Variants in TANK observed in about 807,000 individuals in gnomAD.
TANK encodes the protein TRAF family member-associated NF-kappa-B activator.
In TANK, 15 loss-of-function variants were observed where a neutral mutation model predicts 43.6. That is an observed-to-expected ratio of 0.34 (90% confidence interval 0.23 to 0.53). The LOEUF is 0.53. TANK is among the 20% of genes least tolerant of loss of function. The pLI is 0.94. For synonymous variants in TANK, 162 were observed against 178.2 expected, an observed-to-expected ratio of 0.91 and a Z score of 0.73; for missense variants, 417 against 498.6, an observed-to-expected ratio of 0.84 and a Z score of 1.56.
At chr2:161,161,837 T>C (rs180903611) in intron 1 of TANK, 1 of 154,418 alleles carries the variant, frequency 6.5e-6, no homozygotes, top group East Asian at 1.9e-4. Flanking sequence ...TAATCCTTTG[T>C]GAAATATATG....
intron 2 of TANK, among the ~76,000 whole-genome samples, chr2:161,202,501 T>C (rs1383560173): frequency 1.3e-5 from 2 of 152,200 alleles, no homozygotes; most frequent in Non-Finnish European, 2.9e-5. Context: ...AACAGCTATG[T>C]AATTTATTAA....
At chr2:161,161,387 G>T (rs972245654) in intron 1 of TANK, 2 of 1,550,682 alleles carry the variant, frequency 1.3e-6, no homozygotes, top group Non-Finnish European at 1.7e-6. Flanking sequence ...TTCTTACCGC[G>T]GTTGGAATAC....
In TANK at chr2:161,173,210, A is replaced by G. The variant is rs116740707; in HGVS notation, c.-49-6404A>G. On this transcript the variant is annotated intron_variant, in intron 1 of 7. Transcript: ENST00000392749. ...AGAATTTTTGTAGTACAGCACAGTCATACATGCTGACCCTGACCATAGCTT... is the reference window on the plus strand; with the variant it reads ...AGAATTTTTGTAGTACAGCACAGTCGTACATGCTGACCCTGACCATAGCTT... Among the ~76,000 whole-genome samples the G allele has an allele frequency of 5.2e-3, 797 of 152,228 alleles. 7 individuals are homozygous for G. Among genetic ancestry groups the G allele is most frequent in the African/African-American group, 0.017 (724 of 41,528 alleles).
intron 4 of TANK, among the ~76,000 whole-genome samples, chr2:161,206,386 T>A (rs1027740808): frequency 6.6e-6 from 1 of 152,178 alleles, no homozygotes; most frequent in Non-Finnish European, 1.5e-5. Flanking sequence ...TCAAGAGTGC[T>A]ATATTTATTT....
chr2:161,169,879 A>G (rs189231128), intron 1 of TANK, among the ~76,000 whole-genome samples: 13 of 152,298 alleles, frequency 8.5e-5, no homozygotes, highest in African/African-American at 2.4e-4. Context: ...TGTAAAGGGA[A>G]GACAATATAT....
At position 161,173,273 on chromosome 2, in the gene TANK, A is replaced by G. The variant is rs572451118; in HGVS notation, c.-49-6341A>G. On this transcript the variant is annotated intron_variant, in intron 1 of 7. Coordinates refer to ENST00000392749, the MANE Select transcript of TANK (RefSeq NM_001199135.3). Reference sequence around the variant, plus strand: ...TCACCTCGCTATCATCTCTGCACACATGCTAGACTTGCATAAACAGAATAC... The same window carrying G: ...TCACCTCGCTATCATCTCTGCACACGTGCTAGACTTGCATAAACAGAATAC... Among the ~76,000 whole-genome samples the G allele has an allele frequency of 7.2e-5, 11 of 152,252 alleles. No homozygotes were observed. In the South Asian group the frequency reaches 2.3e-3, roughly 32 times the overall value.
At chr2:161,185,813 GTAAC>G (rs2105309149) in intron 2 of TANK, among the ~76,000 whole-genome samples, 1 of 151,986 alleles carries the variant, frequency 6.6e-6, no homozygotes, top group Admixed American at 6.5e-5. Flanking sequence ...GTATACATAT[GTAAC>G]TAACCTGCAC....
At chr2:161,172,353 GGC>G (rs1491460501) in intron 1 of TANK, among the ~76,000 whole-genome samples, 1 of 128,694 alleles carries the variant, frequency 7.8e-6, no homozygotes, top group Non-Finnish European at 1.6e-5. Flanking sequence ...AGTTTTTTTC[GGC>G]TTTTTTTTTT....
chr2:161,220,611 G>GA (rs993530397), intron 4 of TANK, among the ~76,000 whole-genome samples: 39 of 150,200 alleles, frequency 2.6e-4, no homozygotes, highest in Admixed American at 1.5e-3. Flanking sequence ...CTCAAAAAAG[G>GA]AAAAAAAAAT....
At chr2:161,140,045 A>G in intron 1 of TANK, 2 of 555,724 alleles carry the variant, frequency 3.6e-6, no homozygotes, top group Non-Finnish European at 4.6e-6. Flanking sequence ...TATATTCATA[A>G]GTCTGTAAAA....
intron 1 of TANK, among the ~76,000 whole-genome samples, chr2:161,175,628 C>T (rs552623608): frequency 2.0e-5 from 3 of 152,180 alleles, no homozygotes; most frequent in Admixed American, 2.0e-4. Context: ...AATTATCTTT[C>T]TTGCTCATGC....
intron 7 of TANK, chr2:161,232,816 GA>G: frequency 6.4e-7 from 1 of 1,550,594 alleles, no homozygotes; most frequent in Middle Eastern, 1.7e-4. Context: ...GCTGGTATGT[GA>G]TTACAACTTG....
chr2:161,227,096 CA>C (rs1687670793), intron 6 of TANK: 1 of 152,202 alleles, frequency 6.6e-6, no homozygotes, highest in African/African-American at 2.4e-5. Flanking sequence ...TGCTTTCATG[CA>C]TCTCATTTGA....
At chr2:161,168,469 G>C (rs1684793088) in intron 1 of TANK, among the ~76,000 whole-genome samples, 1 of 152,134 alleles carries the variant, frequency 6.6e-6, no homozygotes, top group Admixed American at 6.5e-5. Context: ...CCATGGCCAA[G>C]TATGGTCCTG....
At chr2:161,184,787 A>G (rs1264461283) in intron 2 of TANK, among the ~76,000 whole-genome samples, 5 of 152,130 alleles carry the variant, frequency 3.3e-5, no homozygotes, top group Admixed American at 2.6e-4. Flanking sequence ...TAAGATCTAT[A>G]ATTAGGTTTT....
intron 1 of TANK, among the ~76,000 whole-genome samples, chr2:161,174,639 T>C (rs970592020): frequency 3.3e-5 from 5 of 152,188 alleles, no homozygotes; most frequent in Non-Finnish European, 7.4e-5. Flanking sequence ...GATTCTATTA[T>C]CCAAACTCTT....
chr2:161,183,199 G>T (rs541379708), intron 2 of TANK, among the ~76,000 whole-genome samples: 1 of 152,014 alleles, frequency 6.6e-6, no homozygotes, highest in Non-Finnish European at 1.5e-5. Flanking sequence ...GTTATTCTTT[G>T]TGAGTCTCCT....
intron 6 of TANK, among the ~76,000 whole-genome samples, chr2:161,227,676 A>C (rs751063439): frequency 6.6e-6 from 1 of 152,246 alleles, no homozygotes; most frequent in African/African-American, 2.4e-5. Context: ...CAGATTCTCC[A>C]GCATTCACCT....
At chr2:161,233,707 T>G (rs1688036286) in intron 7 of TANK, among the ~76,000 whole-genome samples, 1 of 152,018 alleles carries the variant, frequency 6.6e-6, no homozygotes, top group African/African-American at 2.4e-5. Flanking sequence ...AATAGGTAAA[T>G]TGGGAGTAGA....
Sources: allele counts gnomAD v4.1 joint callset (sites outside exome capture counted in the v4.1 genomes callset), GRCh38; gene constraint gnomAD v4.1.1; transcripts MANE v1.5; gene names NCBI Gene and HGNC (gene_info 2026-07-23, HGNC 2026-07-21).